TMTC1: variants seen among roughly 807,000 people sequenced by gnomAD.
TMTC1 encodes protein O-mannosyl-transferase TMTC1.
A neutral mutation model predicts 104.8 loss-of-function variants in TMTC1; 73 were observed. That is an observed-to-expected ratio of 0.70 (90% CI 0.58 to 0.85). The LOEUF (loss-of-function observed/expected upper bound fraction) is 0.85, where lower values mean the gene tolerates loss of function less well. Among genes scored for constraint, TMTC1 ranks in the 40% least tolerant of loss-of-function variants. The pLI is 0.00. For missense variants in TMTC1, 1,035 were observed against 1,096.1 expected (o/e 0.94, Z 0.79); for synonymous variants, 434 against 428.7 (o/e 1.01, Z -0.15).
chr12:29,770,830 G>C (rs1000536583), intron 1 of TMTC1, among the ~76,000 whole-genome samples: 3 of 152,158 alleles, frequency 2.0e-5, no homozygotes, highest in African/African-American at 7.2e-5. Flanking sequence ...TTCTACGTGT[G>C]ATCACAGAGA....
chr12:29,633,998 A>G (rs1022996569), intron 5 of TMTC1, among the ~76,000 whole-genome samples: 4 of 152,190 alleles, frequency 2.6e-5, no homozygotes, highest in Non-Finnish European at 4.4e-5. Flanking sequence ...ACACTTATTA[A>G]GCAGTGTTCT....
At chr12:29,752,882 A>C (rs1313320706) in intron 4 of TMTC1, among the ~76,000 whole-genome samples, 1 of 152,240 alleles carries the variant, frequency 6.6e-6, no homozygotes, top group East Asian at 1.9e-4. Context: ...CTCTGGAGAG[A>C]GAGGATAAGG....
chr12:29,562,728 CCTT>C (rs1945408819), intron 9 of TMTC1, among the ~76,000 whole-genome samples: 1 of 152,112 alleles, frequency 6.6e-6, no homozygotes, highest in Non-Finnish European at 1.5e-5. Flanking sequence ...AACATATTGA[CCTT>C]CTCTGTGAAT....
intron 1 of TMTC1, among the ~76,000 whole-genome samples, chr12:29,773,913 G>C (rs1180005875): frequency 6.6e-6 from 1 of 152,128 alleles, no homozygotes; most frequent in Non-Finnish European, 1.5e-5. Context: ...CTACAGAAGA[G>C]ATCCACCAAA....
intron 10 of TMTC1, among the ~76,000 whole-genome samples, chr12:29,541,656 CTTTTTTTTT>C (rs35079677): frequency 1.7e-5 from 2 of 115,618 alleles, no homozygotes; most frequent in African/African-American, 3.8e-5. Context: ...TTCACTGTTG[CTTTTTTTTT>C]TTTTTTTTTT....
chr12:29,645,443 A>G (rs1464502791), intron 5 of TMTC1, among the ~76,000 whole-genome samples: 1 of 152,208 alleles, frequency 6.6e-6, no homozygotes, highest in African/African-American at 2.4e-5. Flanking sequence ...TACCATGGAT[A>G]AAGTATAAAG....
intron 5 of TMTC1, among the ~76,000 whole-genome samples, chr12:29,742,997 T>G (rs189029739): frequency 1.1e-4 from 16 of 152,370 alleles, no homozygotes; most frequent in Non-Finnish European, 1.9e-4. Context: ...ACATTGGCTT[T>G]CGCATAAAAT....
chr12:29,613,100 A>G (rs1946887381), intron 6 of TMTC1, among the ~76,000 whole-genome samples: 1 of 152,220 alleles, frequency 6.6e-6, no homozygotes, highest in Admixed American at 6.5e-5. Context: ...CAGGAATGTA[A>G]CACTGTGATC....
chr12:29,508,868 G>T (rs189734895), intron 17 of TMTC1, among the ~76,000 whole-genome samples: 1 of 151,942 alleles, frequency 6.6e-6, no homozygotes, highest in Non-Finnish European at 1.5e-5. Flanking sequence ...ATGAGCCACC[G>T]TGCCCAGCCT....
intron 9 of TMTC1, among the ~76,000 whole-genome samples, chr12:29,565,272 T>G (rs1481285524): frequency 1.3e-5 from 2 of 152,320 alleles, no homozygotes; most frequent in African/African-American, 4.8e-5. Context: ...TTCTGGAGGA[T>G]AATCTGCTTT....
chr12:29,729,851 A>T (rs1942499171), intron 5 of TMTC1, among the ~76,000 whole-genome samples: 1 of 152,200 alleles, frequency 6.6e-6, no homozygotes, highest in African/African-American at 2.4e-5. Context: ...AAAGGACAAG[A>T]TCCCTGCACT....
intron 10 of TMTC1, among the ~76,000 whole-genome samples, chr12:29,554,090 G>C (rs1415357499): frequency 6.6e-6 from 1 of 152,060 alleles, no homozygotes; most frequent in East Asian, 1.9e-4. Context: ...TACGTTATTT[G>C]GGCTCTTAAG....
intron 5 of TMTC1, among the ~76,000 whole-genome samples, chr12:29,637,354 T>C (rs756107427): frequency 1.3e-5 from 2 of 152,232 alleles, no homozygotes; most frequent in South Asian, 2.1e-4. Flanking sequence ...CGCTGTGTTA[T>C]CTTTTTTAAA....
chr12:29,523,186 G>T (rs1331840232), intron 11 of TMTC1, among the ~76,000 whole-genome samples: 1 of 152,154 alleles, frequency 6.6e-6, no homozygotes, highest in African/African-American at 2.4e-5. Flanking sequence ...ATTGTTAAAA[G>T]AAAAACTTTA....
intron 5 of TMTC1, among the ~76,000 whole-genome samples, chr12:29,739,468 T>C (rs1424738416): frequency 1.3e-5 from 2 of 152,224 alleles, no homozygotes; most frequent in Non-Finnish European, 2.9e-5. Context: ...TGTGATCTCA[T>C]AATTCTGTGT....
chr12:29,591,408 G>A (rs1481579246), intron 7 of TMTC1, among the ~76,000 whole-genome samples: 1 of 152,178 alleles, frequency 6.6e-6, no homozygotes, highest in African/African-American at 2.4e-5. Flanking sequence ...TGGTGAAGGA[G>A]GTTCTGGGCT....
At chr12:29,620,665 T>C (rs998211924) in intron 6 of TMTC1, among the ~76,000 whole-genome samples, 9 of 152,334 alleles carry the variant, frequency 5.9e-5, no homozygotes, top group African/African-American at 1.7e-4. Context: ...AATGAAGTGG[T>C]GAGCTCATTT....
At chr12:29,517,005 A>G (rs1944006217) in intron 14 of TMTC1, among the ~76,000 whole-genome samples, 1 of 152,224 alleles carries the variant, frequency 6.6e-6, no homozygotes, top group Non-Finnish European at 1.5e-5. Flanking sequence ...AATGATATAT[A>G]CAACTAATTC....
At chr12:29,544,636 G>A (rs299460) in intron 10 of TMTC1, among the ~76,000 whole-genome samples, 149,909 of 152,322 alleles carry the variant, frequency 0.98, 73,799 homozygotes, top group East Asian at 1. Flanking sequence ...CTGCGCATGG[G>A]GGCGGGCTGG....
Sources: gnomAD v4.1 joint callset for allele counts (sites outside exome capture counted in the v4.1 genomes callset) on GRCh38, gnomAD v4.1.1 for gene constraint, MANE v1.5 for transcripts, NCBI Gene and HGNC (gene_info 2026-07-23, HGNC 2026-07-21) for gene names.